KDM5A: variants seen among roughly 807,000 people sequenced by gnomAD.
KDM5A encodes lysine demethylase 5A.
A neutral mutation model predicts 193.5 loss-of-function variants in KDM5A; 42 were observed. The observed-to-expected ratio is 0.22, with a 90% confidence interval of 0.17 to 0.28. The LOEUF is 0.28. Ranked by LOEUF, KDM5A falls within the 10% of genes least tolerant of loss-of-function variation. KDM5A has a pLI of 1.00. For synonymous variants in KDM5A, 796 were observed against 718.1 expected (o/e 1.11, Z -1.73); for missense variants, 1,692 against 2,055.1 (o/e 0.82, Z 3.42).
At chr12:345,007 G>A (rs1338218254) in intron 10 of KDM5A, among the ~76,000 whole-genome samples, 1 of 152,050 alleles carries the variant, frequency 6.6e-6, no homozygotes, top group Non-Finnish European at 1.5e-5. Flanking sequence ...TCAGTGTGCC[G>A]TATTCAGGAG....
intron 24 of KDM5A, among the ~76,000 whole-genome samples, chr12:301,860 C>T (rs1943445753): frequency 6.8e-6 from 1 of 146,814 alleles, no homozygotes. Flanking sequence ...AAATCACAAG[C>T]ACTCCTATAT....
At chr12:308,270 AC>A (rs1943538469) in intron 22 of KDM5A, among the ~76,000 whole-genome samples, 1 of 152,132 alleles carries the variant, frequency 6.6e-6, no homozygotes, top group Non-Finnish European at 1.5e-5. Flanking sequence ...AAATCAAGCA[AC>A]CTGGGTACAA....
At chr12:368,195 G>A (rs1944381025) in intron 3 of KDM5A, among the ~76,000 whole-genome samples, 1 of 152,134 alleles carries the variant, frequency 6.6e-6, no homozygotes, top group Non-Finnish European at 1.5e-5. Flanking sequence ...ATTTATATAA[G>A]CTACATAGAG....
intron 1 of KDM5A, among the ~76,000 whole-genome samples, chr12:386,425 T>C (rs1944638386): frequency 6.6e-6 from 1 of 152,228 alleles, no homozygotes; most frequent in Admixed American, 6.5e-5. Flanking sequence ...AATTTGTGGT[T>C]GTCTGGCATC....
At chr12:364,644 G>C (rs1474763039) in intron 4 of KDM5A, among the ~76,000 whole-genome samples, 2 of 151,466 alleles carry the variant, frequency 1.3e-5, no homozygotes, top group African/African-American at 2.4e-5. Flanking sequence ...AATTCTGTGG[G>C]CGTGGTGGTG....
At chr12:305,586 G>A (rs767572100) in intron 24 of KDM5A, among the ~76,000 whole-genome samples, 13 of 152,144 alleles carry the variant, frequency 8.5e-5, no homozygotes, top group Admixed American at 3.9e-4. Flanking sequence ...GAATTCCCAG[G>A]TTACAAGAAT....
intron 10 of KDM5A, among the ~76,000 whole-genome samples, chr12:336,875 A>C (rs2137429321): frequency 6.6e-6 from 1 of 152,296 alleles, no homozygotes; most frequent in African/African-American, 2.4e-5. Flanking sequence ...AACATATATA[A>C]AATTCCAAAT....
intron 3 of KDM5A, among the ~76,000 whole-genome samples, chr12:367,532 T>G (rs1415175249): frequency 2.0e-5 from 3 of 151,846 alleles, no homozygotes. Flanking sequence ...CCCCATCTCT[T>G]CTAAAAAAAT....
chr12:341,190 T>C (rs1233304473), intron 10 of KDM5A, among the ~76,000 whole-genome samples: 3 of 152,194 alleles, frequency 2.0e-5, no homozygotes, highest in African/African-American at 7.2e-5. Context: ...GAAGTCTCTC[T>C]CTAATAATGA....
At chr12:386,070 T>G (rs1340358286) in intron 1 of KDM5A, 96 bp from the exon 2 acceptor site, 6 of 846,188 alleles carry the variant, frequency 7.1e-6, no homozygotes, top group Non-Finnish European at 1.2e-5. Flanking sequence ...CAAATCATGG[T>G]GCTAATAGAC....
At chr12:340,658 G>A (rs897191048) in intron 10 of KDM5A, among the ~76,000 whole-genome samples, 1 of 120,974 alleles carries the variant, frequency 8.3e-6, no homozygotes, top group African/African-American at 3.3e-5. Context: ...TCGTGCCACT[G>A]CACTCTAGCC....
intron 14 of KDM5A, among the ~76,000 whole-genome samples, chr12:326,255 T>C (rs760415951): frequency 6.6e-6 from 1 of 152,238 alleles, no homozygotes; most frequent in Non-Finnish European, 1.5e-5. Flanking sequence ...TTCACAGTGA[T>C]AGTAATTCCT....
Position 284,473 on chromosome 12 carries a change from T to C in KDM5A, c.*983A>G, listed in dbSNP as rs1478164581. ...CACCAGTGTTGGAAACAGCAGACAT[T>C]GGGGTCAGGGCTGCAAGGCAAAAAG... On this transcript the variant is annotated 3_prime_UTR_variant, in exon 28 of 28. Coordinates refer to ENST00000399788, the MANE Select transcript of KDM5A (RefSeq NM_001042603.3). 1 of 232,454 alleles carries C rather than the reference T, an allele frequency of 4.3e-6. No homozygotes were observed. Among genetic ancestry groups the C allele is most frequent in the Non-Finnish European group, 8.5e-6 (1 of 117,398 alleles). 14.4% of individuals were successfully genotyped at this position (232,454 alleles called of 1,614,324 possible). A position where few individuals can be genotyped will look rare whatever the true frequency, so the allele number is the denominator to read the frequency against.
intron 3 of KDM5A, among the ~76,000 whole-genome samples, chr12:378,849 C>T (rs906735515): frequency 4.0e-5 from 6 of 151,358 alleles, no homozygotes; most frequent in Admixed American, 2.0e-4. Flanking sequence ...GTCCCAGCTA[C>T]GCGGGAGGCT....
chr12:350,873 G>A (rs1209374717), intron 9 of KDM5A, 94 bp from the exon 10 acceptor site: 6 of 1,124,434 alleles, frequency 5.3e-6, no homozygotes. Context: ...ACAAACCCAT[G>A]ATGAGATTAA....
intron 3 of KDM5A, among the ~76,000 whole-genome samples, chr12:377,153 T>C (rs554128965): frequency 1.3e-5 from 2 of 152,052 alleles, no homozygotes. Flanking sequence ...CAGGCAACTA[T>C]CCCTCTCCAA....
intron 10 of KDM5A, among the ~76,000 whole-genome samples, chr12:344,500 T>A (rs1171649672): frequency 6.6e-6 from 1 of 152,124 alleles, no homozygotes; most frequent in Non-Finnish European, 1.5e-5. Flanking sequence ...GAAAAAGTGT[T>A]AAGGGCAGCC....
chr12:331,723 G>T, intron 13 of KDM5A, 96 bp downstream of exon 13: 1 of 1,400,016 alleles, frequency 7.1e-7, no homozygotes, highest in South Asian at 1.2e-5. Context: ...TGATGAACCC[G>T]ACCCTGAGCC....
In KDM5A at chr12:318,327, T is replaced by G; in HGVS notation, c.2676A>C (p.Pro892=). The part of the protein sequence containing the change: ...SSLYVELPEL[P]RLKQELQQAR... ...CCTGTTGTAGCTCTTGCTTCAGTCG[T>G]GGTAATTCAGGGAGTTCCACATAGA... The change falls in exon 19 of 28, where the codon CCA becomes CCC. Residue 892 remains proline (P), a synonymous_variant. Coordinates refer to ENST00000399788, the MANE Select transcript of KDM5A (RefSeq NM_001042603.3). 1.2e-6 allele frequency: 2 copies of G among 1,614,142 alleles called. No individual in the cohort carries two copies. The highest frequency in any genetic ancestry group is 1.7e-6 in the Non-Finnish European group (2 of 1,180,026).
Sources: allele counts gnomAD v4.1 joint callset (sites outside exome capture counted in the v4.1 genomes callset), GRCh38; gene constraint gnomAD v4.1.1; transcripts MANE v1.5; gene names NCBI Gene and HGNC (gene_info 2026-07-23, HGNC 2026-07-21).